The following ZNF57 variants were observed in gnomAD, a reference collection of about 807,000 sequenced individuals.
ZNF57 encodes the protein zinc finger protein 57.
A neutral mutation model predicts 13.4 loss-of-function variants in ZNF57; 11 were observed. The ratio of observed to expected loss-of-function variants is 0.82; its 90% confidence interval spans 0.52 to 1.36. The LOEUF (loss-of-function observed/expected upper bound fraction) is 1.36. Ranked by LOEUF, ZNF57 falls within the 40% of genes most tolerant of loss-of-function variation. The pLI, the probability that ZNF57 is intolerant of heterozygous loss-of-function variation, is 0.00. For missense variants in ZNF57, 696 were observed against 667.5 expected, an observed-to-expected ratio of 1.04 and a Z score of -0.47; for synonymous variants, 224 against 238.5, an observed-to-expected ratio of 0.94 and a Z score of 0.56.
chr19:2,903,843 G>A (rs949524075), intron 1 of ZNF57, among the ~76,000 whole-genome samples: 2 of 151,718 alleles, frequency 1.3e-5, no homozygotes, highest in African/African-American at 2.4e-5. Context: ...AGCCTCCTGC[G>A]TAGCTGGGAC....
At chr19:2,916,786 T>C in intron 3 of ZNF57, 138 bp from the exon 4 acceptor site, 1 of 650,550 alleles carries the variant, frequency 1.5e-6, no homozygotes, top group African/African-American at 1.8e-5. Context: ...AAAAAATATG[T>C]CTCTTCAAAC....
At chr19:2,903,504 G>A (rs975264491) in intron 1 of ZNF57, among the ~76,000 whole-genome samples, 15 of 152,040 alleles carry the variant, frequency 9.9e-5, no homozygotes, top group African/African-American at 1.4e-4. Context: ...GAGCCACCGC[G>A]CCCGGCCTGG....
intron 1 of ZNF57, among the ~76,000 whole-genome samples, chr19:2,903,468 TC>T (rs1568178520): frequency 6.6e-6 from 1 of 152,114 alleles, no homozygotes; most frequent in East Asian, 1.9e-4. Flanking sequence ...CTCCTCCGCC[TC>T]CCAAAGTGCT....
chr19:2,911,564 T>C (rs1173336022), intron 1 of ZNF57, among the ~76,000 whole-genome samples: 1 of 151,852 alleles, frequency 6.6e-6, no homozygotes, highest in Admixed American at 6.6e-5. Context: ...CAAAAAAAAC[T>C]TTGTAAAGAC....
At chr19:2,901,492 G>A (rs1308199174) in intron 1 of ZNF57, among the ~76,000 whole-genome samples, 1 of 151,566 alleles carries the variant, frequency 6.6e-6, no homozygotes, top group Non-Finnish European at 1.5e-5. Context: ...ACTCAGCAAA[G>A]GGTGATGGGA....
Position 2,917,818 on chromosome 19 carries a change from G to T in ZNF57, c.1197G>T (p.Lys399Asn), listed in dbSNP as rs771600911. The change falls in exon 4 of 4, where the codon AAG (lysine) becomes AAT (asparagine). Residue 399 changes from lysine to asparagine, a missense_variant. Physicochemically the swap from Lys to Asn is moderately conservative, Grantham distance 94. This residue lies in a region of ZNF57 where 645 missense variants were observed against 591.5 expected (regional missense o/e 1.09). Coordinates refer to ENST00000306908, the MANE Select transcript of ZNF57 (RefSeq NM_173480.3). The stretch of plus-strand genomic sequence containing the variant: ...TCTATAAATGTGAACAATGTGGGAA[G>T]GCTTTTACCTCTTCCAGATCATTCC... Reference protein sequence around the residue: ...EQLYKCEQCGKAFTSSRSFRG... With the variant: ...EQLYKCEQCGNAFTSSRSFRG... The T allele has an allele frequency of 6.2e-7, 1 of 1,603,944 alleles. No homozygotes were observed. The highest frequency in any genetic ancestry group is 8.5e-7 in the Non-Finnish European group (1 of 1,175,396).
intron 1 of ZNF57, among the ~76,000 whole-genome samples, chr19:2,904,143 A>G (rs2088053906): frequency 6.6e-6 from 1 of 152,150 alleles, no homozygotes; most frequent in Admixed American, 6.6e-5. Context: ...GATTACAAGC[A>G]TGGGCCACTG....
rs1445542873 is a variant in ZNF57 at position 2,909,881 on chromosome 19, A to G, written c.4-5641A>G. On this transcript the variant is annotated intron_variant, in intron 1 of 3. Transcript: ENST00000306908. ...ACTCTCCTGATGACTACAGCTCTCCAGAAAGCCTGGAAAATGCATAGTGTC... is the reference window on the plus strand; with the variant it reads ...ACTCTCCTGATGACTACAGCTCTCCGGAAAGCCTGGAAAATGCATAGTGTC... Among the ~76,000 whole-genome samples, 10 of 47,932 alleles carry G rather than the reference A, an allele frequency of 2.1e-4. 4 individuals are homozygous for G. The highest frequency in any genetic ancestry group is 6.1e-4 in the Non-Finnish European group (9 of 14,732). 31.4% of individuals were successfully genotyped at this position (47,932 alleles called of 152,430 possible).
rs1209366320 is a variant in ZNF57, at chr19:2,918,405, C to T, written c.*116C>T. The T allele has an allele frequency of 1.7e-6, 2 of 1,161,134 alleles. No homozygotes were observed. Among genetic ancestry groups the T allele is most frequent in the Admixed American group, 2.6e-5 (1 of 37,740 alleles). 71.9% of individuals were successfully genotyped at this position (1,161,134 alleles called of 1,614,324 possible). On this transcript the variant is annotated 3_prime_UTR_variant, in exon 4 of 4. Coordinates refer to ENST00000306908, the MANE Select transcript of ZNF57 (RefSeq NM_173480.3). Reference sequence around the variant, plus strand: ...TATGATATTGTCTTTGTCAATACCTCATTTGTAAAACAGACCCATTAGTCG... The same window carrying T: ...TATGATATTGTCTTTGTCAATACCTTATTTGTAAAACAGACCCATTAGTCG...
chr19:2,917,071 G>T lies in ZNF57; in HGVS notation c.450G>T (p.Thr150=). Residue 150 remains threonine, a synonymous_variant, in exon 4 of 4, where the codon ACG becomes ACT. Coordinates refer to ENST00000306908, the MANE Select transcript of ZNF57 (RefSeq NM_173480.3). ...YECTKCRTVF[T]HLSSLKRHVK... is the part of the protein sequence containing the mutation. ...GCACCAAGTGCAGGACAGTCTTCAC[G>T]CATCTTTCTTCTCTTAAAAGGCACG... 2 of 1,614,104 alleles carry T rather than the reference G, an allele frequency of 1.2e-6. No homozygotes were observed. Among genetic ancestry groups the T allele is most frequent in the Non-Finnish European group, 1.7e-6 (2 of 1,180,022 alleles).
Position 2,916,142 on chromosome 19 carries a change from A to G in ZNF57, c.195A>G (p.Lys65=). 1 of 1,613,962 alleles carries G rather than the reference A, an allele frequency of 6.2e-7. No homozygotes were observed. Among genetic ancestry groups the G allele is most frequent in the Non-Finnish European group, 8.5e-7 (1 of 1,179,982 alleles). The change falls in exon 3 of 4, where the codon AAA becomes AAG. Residue 65 remains lysine, a synonymous_variant. Transcript: ENST00000306908. ...VSLQDMYGQE[K]SKEQTIPNFT... The stretch of plus-strand genomic sequence containing the variant: ...TGCAGGATATGTACGGGCAAGAAAA[A>G]TCTAAGGAACAGACAATACCAAACT...
chr19:2,915,714 G>A, intron 2 of ZNF57, 66 bp downstream of exon 2: 2 of 1,609,974 alleles, frequency 1.2e-6, no homozygotes, highest in Non-Finnish European at 1.7e-6. Flanking sequence ...CAGTTCTGTT[G>A]CAAGATGTGA....
At chr19:2,904,872 G>C (rs1038205272) in intron 1 of ZNF57, among the ~76,000 whole-genome samples, 3 of 152,010 alleles carry the variant, frequency 2.0e-5, no homozygotes, top group African/African-American at 7.3e-5. Flanking sequence ...CTGTGTGTGG[G>C]CATATGTGAG....
chr19:2,903,837 T>A (rs2088050138), intron 1 of ZNF57, among the ~76,000 whole-genome samples: 1 of 152,022 alleles, frequency 6.6e-6, no homozygotes, highest in African/African-American at 2.4e-5. Flanking sequence ...TGCCTCAGCC[T>A]CCTGCGTAGC....
At chr19:2,916,874 A>T (rs754620608) in intron 3 of ZNF57, 50 bp from the exon 4 acceptor site, 1 of 1,452,544 alleles carries the variant, frequency 6.9e-7, no homozygotes, top group Non-Finnish European at 9.3e-7. Flanking sequence ...ACATCTCAAC[A>T]CATCATTACT....
intron 1 of ZNF57, among the ~76,000 whole-genome samples, chr19:2,913,382 G>A (rs2088157909): frequency 6.6e-6 from 1 of 151,954 alleles, no homozygotes; most frequent in Non-Finnish European, 1.5e-5. Flanking sequence ...CTTAGGTTTA[G>A]TTTTATTTTC....
intron 1 of ZNF57, among the ~76,000 whole-genome samples, chr19:2,913,680 G>C (rs953420039): frequency 4.4e-5 from 6 of 136,816 alleles, no homozygotes; most frequent in Admixed American, 3.0e-4. Flanking sequence ...TTTTGGTGGG[G>C]GGAGACTAAC....
At chr19:2,906,843 G>A (rs2088080000) in intron 1 of ZNF57, among the ~76,000 whole-genome samples, 1 of 152,144 alleles carries the variant, frequency 6.6e-6, no homozygotes, top group African/African-American at 2.4e-5. Context: ...GTCACCACCG[G>A]AGGCATCAGG....
rs753587068 is a variant in ZNF57, at chr19:2,917,189, G to A, written c.568G>A (p.Asp190Asn). ...ACACCTACACAGTCACGGAAGAACTGACACTGAGGAGAAGCCGTATAAGTG... is the reference window on the plus strand; with the variant it reads ...ACACCTACACAGTCACGGAAGAACTAACACTGAGGAGAAGCCGTATAAGTG... Reference protein sequence around the residue: ...PSHLHSHGRTDTEEKPYKCQA... With the variant: ...PSHLHSHGRTNTEEKPYKCQA... Residue 190 changes from aspartate to asparagine, a missense_variant, in exon 4 of 4, where the codon GAC (aspartate) becomes AAC (asparagine). Around this residue, in one of 3 missense-constraint regions of ZNF57, gnomAD observed 645 missense variants for 591.5 expected, o/e 1.09. Coordinates refer to ENST00000306908, the MANE Select transcript of ZNF57 (RefSeq NM_173480.3). The A allele has an allele frequency of 7.4e-6, 12 of 1,614,040 alleles. No homozygotes were observed. The East Asian group carries it at 1.1e-4, about 15-fold the overall frequency.
Sources: gnomAD v4.1 joint callset for allele counts (sites outside exome capture counted in the v4.1 genomes callset) on GRCh38, gnomAD v4.1.1 for gene constraint, gnomAD v4.1.1 regional missense constraint, MANE v1.5 for transcripts, NCBI Gene and HGNC (gene_info 2026-07-23, HGNC 2026-07-21) for gene names.